Variants in KAT6A observed in about 807,000 individuals in gnomAD.
The protein encoded by KAT6A is histone acetyltransferase KAT6A.
In KAT6A, 9 loss-of-function variants were observed where a neutral mutation model predicts 198.4. The ratio of observed to expected loss-of-function variants is 0.05; its 90% CI spans 0.03 to 0.08. KAT6A has a LOEUF of 0.08. Among genes scored for constraint, KAT6A ranks in the 10% least tolerant of loss-of-function variants. The pLI is 1.00. For missense variants in KAT6A, 2,077 were observed against 2,509.9 expected (o/e 0.83, Z 3.69); for synonymous variants, 890 against 883.0 (o/e 1.01, Z -0.14).
At position 41,956,566 on chromosome 8, in the gene KAT6A, ACTC is replaced by A. The variant is rs776322632; in HGVS notation, c.1483-1158_1483-1156del. 2.5e-4 allele frequency among the ~76,000 whole-genome samples: 38 copies of A among 152,278 alleles called. 1 individual carries two copies. Among genetic ancestry groups the A allele is most frequent in the Non-Finnish European group, 4.7e-4 (32 of 68,026 alleles). ...CGTTTAAAGAAGCCTCTTCACCATA[ACTC>A]ATTAGAGACCTTCTGGTCTTTCTAA... is the stretch of plus-strand genomic sequence containing the variant. On this transcript the variant is annotated intron_variant, in intron 8 of 16. Transcript: ENST00000265713.
intron 2 of KAT6A, among the ~76,000 whole-genome samples, chr8:42,030,572 A>AT (rs919374731): frequency 2.5e-4 from 37 of 148,532 alleles, no homozygotes; most frequent in Admixed American, 4.0e-4. Flanking sequence ...TTTTATTATT[A>AT]TTTTTTTTTT....
intron 8 of KAT6A, among the ~76,000 whole-genome samples, chr8:41,959,948 T>A (rs1359475833): frequency 6.7e-6 from 1 of 149,718 alleles, no homozygotes; most frequent in Non-Finnish European, 1.5e-5. Flanking sequence ...AGTGCAAGAC[T>A]CTGTCTTTAA....
At chr8:42,050,873 G>A (rs1191941044) in intron 1 of KAT6A, among the ~76,000 whole-genome samples, 1 of 152,116 alleles carries the variant, frequency 6.6e-6, no homozygotes, top group East Asian at 1.9e-4. Context: ...TCAAGCGCCT[G>A]CAGCCTCGGA....
At chr8:42,005,091 T>G (rs1024016933) in intron 2 of KAT6A, among the ~76,000 whole-genome samples, 2 of 152,208 alleles carry the variant, frequency 1.3e-5, no homozygotes, top group Non-Finnish European at 2.9e-5. Context: ...ATCCATTGTA[T>G]GACTAGGCCA....
At chr8:42,000,834 TAAAC>T (rs1246252580) in intron 2 of KAT6A, among the ~76,000 whole-genome samples, 4 of 152,054 alleles carry the variant, frequency 2.6e-5, no homozygotes, top group Admixed American at 2.0e-4. Flanking sequence ...GCTCCTCAGT[TAAAC>T]AAAGAAAAAA....
intron 2 of KAT6A, among the ~76,000 whole-genome samples, chr8:42,020,752 C>T (rs1826489743): frequency 6.6e-6 from 1 of 152,112 alleles, no homozygotes; most frequent in Non-Finnish European, 1.5e-5. Flanking sequence ...AAATCTCAGA[C>T]CTCACCAAAA....
chr8:42,035,169 C>T (rs1053917729), intron 2 of KAT6A, among the ~76,000 whole-genome samples: 1 of 152,136 alleles, frequency 6.6e-6, no homozygotes, highest in Non-Finnish European at 1.5e-5. Flanking sequence ...AGAGAGAAGA[C>T]ATGGGATGGA....
chr8:42,032,489 T>C (rs1827179661), intron 2 of KAT6A, among the ~76,000 whole-genome samples: 1 of 152,218 alleles, frequency 6.6e-6, no homozygotes, highest in Admixed American at 6.5e-5. Context: ...TGGCTAAAGT[T>C]ATGAGAAACA....
rs201429328 is a variant in KAT6A, at chr8:41,974,724, T to C, written c.1462A>G (p.Ile488Val). The stretch of plus-strand genomic sequence containing the variant: ...TTTACCTGCAGTGCTTGTTCTTGGA[T>C]ATCACGAAATAATTCCATATCTTTC... ...TEKDMELFRD[I>V]QEQALQKVGV... Residue 488 changes from isoleucine to valine, a missense_variant, in exon 8 of 17, where the codon ATC (isoleucine) becomes GTC (valine). By Grantham distance (29) the Ile-to-Val change is conservative (BLOSUM62 3). Around this residue, in one of 13 missense-constraint regions of KAT6A, gnomAD observed 206 missense variants for 214.9 expected, o/e 0.96. Coordinates refer to ENST00000265713, the MANE Select transcript of KAT6A (RefSeq NM_006766.5). 6.8e-5 allele frequency: 110 copies of C among 1,607,854 alleles called. No individual in the cohort carries two copies. Among genetic ancestry groups the C allele is most frequent in the South Asian group, 2.7e-4 (24 of 90,118 alleles).
chr8:42,027,133 T>C (rs992608310), intron 2 of KAT6A, among the ~76,000 whole-genome samples: 2 of 152,204 alleles, frequency 1.3e-5, no homozygotes, highest in African/African-American at 4.8e-5. Context: ...CAATTAATCA[T>C]GGTGTGTTAT....
At position 42,014,693 on chromosome 8, in the gene KAT6A, G is replaced by A. The variant is rs980548235; in HGVS notation, c.601-27130C>T. Reference sequence around the variant, plus strand: ...AACAGAAAAAGATTAAATGGGGCTCGGAGGACAGCATATTAGCACTTTTTT... The same window carrying A: ...AACAGAAAAAGATTAAATGGGGCTCAGAGGACAGCATATTAGCACTTTTTT... On this transcript the variant is annotated intron_variant, in intron 2 of 16. Transcript: ENST00000265713. Among the ~76,000 whole-genome samples, 4 of 152,068 alleles carry A rather than the reference G, an allele frequency of 2.6e-5. No individual in the cohort carries two copies. In the East Asian group the frequency reaches 5.8e-4, roughly 22 times the overall value.
chr8:41,943,077 T>C, intron 13 of KAT6A, 77 bp from the exon 14 acceptor site: 1 of 1,564,152 alleles, frequency 6.4e-7, no homozygotes, highest in South Asian at 1.2e-5. Flanking sequence ...ATGAGACCCC[T>C]GGTGAAGCAT....
At chr8:41,973,733 C>T (rs1823916238) in intron 8 of KAT6A, among the ~76,000 whole-genome samples, 1 of 151,960 alleles carries the variant, frequency 6.6e-6, no homozygotes, top group South Asian at 2.1e-4. Context: ...GCATGTTTTC[C>T]CCTATCTTCA....
chr8:42,048,800 T>C lies in KAT6A; in HGVS notation c.178A>G (p.Ile60Val). ...AGTCCTTTATTTGAGACTTTTAAAA[T>C]TGTTCCATCTTTAACACTCAACTCC... ...QLELSVKDGT[I>V]LKVSNKGLNS... The change falls in exon 2 of 17, where the codon ATT (isoleucine) becomes GTT (valine). Residue 60 changes from isoleucine to valine, a missense_variant. By Grantham distance (29) the Ile-to-Val change is conservative (BLOSUM62 3). Transcript: ENST00000265713. The C allele has an allele frequency of 1.9e-6, 3 of 1,614,176 alleles. No homozygotes were observed. Among genetic ancestry groups the C allele is most frequent in the African/African-American group, 1.3e-5 (1 of 75,068 alleles).
rs60247515 is a variant in KAT6A at position 41,946,493 on chromosome 8, TACACAC to T, written c.1996+92_1996+97del. ...CTACAAATCTTTAAATATATATATA[TACACAC>T]ACACACACACACACACACACACACA... On this transcript the variant is annotated intron_variant, in intron 12 of 16. Coordinates refer to ENST00000265713, the MANE Select transcript of KAT6A (RefSeq NM_006766.5). 5.4e-3 allele frequency: 1,754 copies of T among 323,166 alleles called. 13 individuals are homozygous for T. The highest frequency in any genetic ancestry group is 0.024 in the African/African-American group (393 of 16,646). 20.0% of individuals were successfully genotyped at this position (323,166 alleles called of 1,614,324 possible). A position where few individuals can be genotyped will look rare whatever the true frequency, so the allele number is the denominator to read the frequency against.
In KAT6A at chr8:42,020,032, G is replaced by A. The variant is rs932111657; in HGVS notation, c.600+28346C>T. Among the ~76,000 whole-genome samples, 3 of 152,188 alleles carry A rather than the reference G, an allele frequency of 2.0e-5. 1 individual carries two copies. The highest frequency in any genetic ancestry group is 1.9e-4 in the East Asian group (1 of 5,190). ...CAAATGCAAATGAATCAGTGATGCAGTGATGTTATCAATGTAATTACCTTC... is the reference window on the plus strand; with the variant it reads ...CAAATGCAAATGAATCAGTGATGCAATGATGTTATCAATGTAATTACCTTC... On this transcript the variant is annotated intron_variant, in intron 2 of 16. Transcript: ENST00000265713.
At chr8:41,971,584 C>T (rs1029062691) in intron 8 of KAT6A, among the ~76,000 whole-genome samples, 28 of 149,000 alleles carry the variant, frequency 1.9e-4, no homozygotes, top group Admixed American at 1.9e-3. Context: ...AAATCATATA[C>T]AGCCTTGGAG....
At chr8:41,977,497 T>C in intron 6 of KAT6A, 170 bp from the exon 7 acceptor site, 1 of 503,236 alleles carries the variant, frequency 2.0e-6, no homozygotes, top group South Asian at 4.1e-5. Context: ...ATTAATATTA[T>C]TATTAGAAAC....
At position 42,044,486 on chromosome 8, in the gene KAT6A, C is replaced by T. The variant is rs575128346; in HGVS notation, c.600+3892G>A. Among the ~76,000 whole-genome samples, 17 of 152,110 alleles carry T rather than the reference C, an allele frequency of 1.1e-4. No individual in the cohort carries two copies. The South Asian group carries it at 3.5e-3, about 32-fold the overall frequency. Reference sequence around the variant, plus strand: ...ACACACTAAAGTTCCAATGTCTTCACAAAAACTCCTCTTAAACGTATTCCA... The same window carrying T: ...ACACACTAAAGTTCCAATGTCTTCATAAAAACTCCTCTTAAACGTATTCCA... On this transcript the variant is annotated intron_variant, in intron 2 of 16. Transcript: ENST00000265713.
Sources: gnomAD v4.1 joint callset for allele counts (sites outside exome capture counted in the v4.1 genomes callset) on GRCh38, gnomAD v4.1.1 for gene constraint, gnomAD v4.1.1 regional missense constraint, MANE v1.5 for transcripts, NCBI Gene and HGNC (gene_info 2026-07-23, HGNC 2026-07-21) for gene names.